FAM184A: variants seen among roughly 807,000 people sequenced by gnomAD.
FAM184A encodes the protein protein FAM184A.
Under a neutral mutation model 143.8 loss-of-function variants are expected in FAM184A, and 99 were observed. That is an observed-to-expected ratio of 0.69 (90% CI 0.58 to 0.81). The LOEUF (loss-of-function observed/expected upper bound fraction) is 0.81. FAM184A is among the 40% of genes least tolerant of loss of function. The probability of loss-of-function intolerance (pLI) is 0.00; values close to 1 mark genes in which losing one functional copy is unlikely to be tolerated. For synonymous variants in FAM184A, 427 were observed against 446.4 expected (o/e 0.96, Z 0.55); for missense variants, 1,217 against 1,310.5 (o/e 0.93, Z 1.10).
chr6:119,096,315 T>C (rs1428498321), intron 1 of FAM184A, among the ~76,000 whole-genome samples: 4 of 152,094 alleles, frequency 2.6e-5, no homozygotes, highest in African/African-American at 9.7e-5. Context: ...TTGAAAGGAG[T>C]ACTTTACACT....
chr6:119,147,078 T>G (rs201467614), intron 1 of FAM184A, among the ~76,000 whole-genome samples: 68 of 116,634 alleles, frequency 5.8e-4, no homozygotes, highest in Admixed American at 1.3e-3. Context: ...TTTTTTTTTT[T>G]GTTTTTTTGT....
chr6:119,021,631 G>C (rs1785451500), intron 3 of FAM184A, among the ~76,000 whole-genome samples: 2 of 152,118 alleles, frequency 1.3e-5, no homozygotes, highest in Non-Finnish European at 2.9e-5. Context: ...AGTGAGCTAT[G>C]ATCAGGCCAC....
At chr6:119,138,301 C>T (rs1249669893) in intron 1 of FAM184A, among the ~76,000 whole-genome samples, 2 of 152,270 alleles carry the variant, frequency 1.3e-5, no homozygotes, top group South Asian at 4.1e-4. Flanking sequence ...TAGTTTCCTG[C>T]TGCTGCTATA....
chr6:118,980,812 C>G (rs1783997160), intron 9 of FAM184A, among the ~76,000 whole-genome samples: 1 of 152,136 alleles, frequency 6.6e-6, no homozygotes, highest in Admixed American at 6.5e-5. Context: ...AGTATCAACA[C>G]CTCACCAGGC....
chr6:118,977,948 G>A (rs1046705570), intron 11 of FAM184A, among the ~76,000 whole-genome samples: 3 of 152,058 alleles, frequency 2.0e-5, no homozygotes, highest in African/African-American at 7.2e-5. Flanking sequence ...TGTCAACAAA[G>A]ACATATTTTA....
At chr6:119,072,250 T>C (rs1485666073) in intron 1 of FAM184A, among the ~76,000 whole-genome samples, 3 of 152,236 alleles carry the variant, frequency 2.0e-5, no homozygotes, top group African/African-American at 7.2e-5. Context: ...GATACTATGC[T>C]TTTGTGTCCA....
Position 119,019,871 on chromosome 6 carries a change from A to G in FAM184A, c.1332+107T>C, listed in dbSNP as rs547068439. ...ACCAAAAATAACTACTAAAGTAGGA[A>G]ATGTATTGTTACTGGGGAGTAGCAA... is the stretch of plus-strand genomic sequence containing the variant. On this transcript the variant is annotated intron_variant, in intron 4 of 17. Coordinates refer to ENST00000338891, the MANE Select transcript of FAM184A (RefSeq NM_024581.6). 4.2e-5 allele frequency: 41 copies of G among 987,130 alleles called. No homozygotes were observed. In the East Asian group the frequency reaches 1.0e-3, roughly 24 times the overall value. 61.1% of individuals were successfully genotyped at this position (987,130 alleles called of 1,614,324 possible). A position where few individuals can be genotyped will look rare whatever the true frequency, so the allele number is the denominator to read the frequency against.
rs759322016 is a variant in FAM184A at position 119,011,272 on chromosome 6, ATCTATAACATAGGCAACAGG to A, written c.1653+17_1653+36del. ...ACCAGAATAAGTTATTATTATTAAA[ATCTATAACATAGGCAACAGG>A]TCTAAAGAATTCTTGCCTCTTGATT... On this transcript the variant is annotated intron_variant, in intron 6 of 17. Transcript: ENST00000338891. 9.6e-6 allele frequency: 15 copies of A among 1,570,530 alleles called. No homozygotes were observed. Among genetic ancestry groups the A allele is most frequent in the Non-Finnish European group, 1.3e-5 (15 of 1,153,584 alleles).
intron 12 of FAM184A, 70 bp from the exon 13 acceptor site, chr6:118,975,278 G>T: frequency 9.2e-7 from 1 of 1,090,880 alleles, no homozygotes; most frequent in South Asian, 1.7e-5. Flanking sequence ...CTGCGGGAAA[G>T]AAAATGACAC....
chr6:118,960,154 A>G lies in FAM184A; in HGVS notation c.3372T>C (p.Ala1124=). The G allele has an allele frequency of 6.2e-7, 1 of 1,612,404 alleles. No homozygotes were observed. Among genetic ancestry groups the G allele is most frequent in the Non-Finnish European group, 8.5e-7 (1 of 1,179,426 alleles). The change falls in exon 18 of 18, where the codon GCT becomes GCC. Residue 1124 remains alanine, a synonymous_variant. Transcript: ENST00000338891. The stretch of plus-strand genomic sequence containing the variant: ...ACTCCTGGCGCTGGGGATCTGGAGA[A>G]GCCACTGGAGAAGCTTCACTCTGAG... ...SPAQSEASPV[A]SPDPQRQEWF...
At chr6:119,053,048 C>T (rs1319442112) in intron 1 of FAM184A, among the ~76,000 whole-genome samples, 1 of 152,176 alleles carries the variant, frequency 6.6e-6, no homozygotes, top group African/African-American at 2.4e-5. Context: ...GATTAAAGAA[C>T]AGCCAAAGGC....
At chr6:119,023,232 T>C (rs1314887416) in intron 2 of FAM184A, 152 bp from the exon 3 acceptor site, 2 of 781,366 alleles carry the variant, frequency 2.6e-6, no homozygotes, top group East Asian at 5.4e-5. Context: ...GATTTATAAC[T>C]TGATGTTTTC....
chr6:119,094,435 T>G (rs567741834), intron 1 of FAM184A, among the ~76,000 whole-genome samples: 22 of 152,268 alleles, frequency 1.4e-4, no homozygotes, highest in African/African-American at 5.3e-4. Flanking sequence ...TTCATCCCAG[T>G]ATTAGATACT....
At chr6:119,032,493 G>GAGAGGGAGAGGGA (rs1785914711) in intron 1 of FAM184A, among the ~76,000 whole-genome samples, 1 of 149,166 alleles carries the variant, frequency 6.7e-6, no homozygotes, top group Admixed American at 6.7e-5. Context: ...GGGGGAGGGG[G>GAGAGGGAGAGGGA]AGAGGGAGAG....
intron 1 of FAM184A, among the ~76,000 whole-genome samples, chr6:119,042,203 G>A (rs547922581): frequency 6.6e-6 from 1 of 152,296 alleles, no homozygotes; most frequent in East Asian, 1.9e-4. Flanking sequence ...GGTAAAGCCT[G>A]GAACCCAGGA....
At chr6:118,965,898 T>G (rs1783488143) in intron 15 of FAM184A, among the ~76,000 whole-genome samples, 1 of 152,192 alleles carries the variant, frequency 6.6e-6, no homozygotes, top group South Asian at 2.1e-4. Flanking sequence ...TGAAATATAA[T>G]TTTCCATGAG....
intron 16 of FAM184A, chr6:118,962,675 C>G (rs1298178735): frequency 1.3e-5 from 2 of 152,036 alleles, no homozygotes; most frequent in African/African-American, 4.8e-5. Context: ...TAGTAATCAG[C>G]TGATTTTTTA....
At chr6:119,117,482 G>A (rs187737824) in intron 1 of FAM184A, among the ~76,000 whole-genome samples, 86 of 152,218 alleles carry the variant, frequency 5.6e-4, no homozygotes, top group African/African-American at 2.0e-3. Flanking sequence ...ATGTATAATC[G>A]GACCCTAACC....
At chr6:119,054,944 G>T (rs1369753049) in intron 1 of FAM184A, among the ~76,000 whole-genome samples, 1 of 151,982 alleles carries the variant, frequency 6.6e-6, no homozygotes, top group Non-Finnish European at 1.5e-5. Context: ...AATTCAGTGG[G>T]TTCTAAGCAC....
Sources: allele counts gnomAD v4.1 joint callset (sites outside exome capture counted in the v4.1 genomes callset), GRCh38; gene constraint gnomAD v4.1.1; transcripts MANE v1.5; gene names NCBI Gene and HGNC (gene_info 2026-07-23, HGNC 2026-07-21).